The following RGS6 variants were observed in gnomAD, a reference collection of about 807,000 sequenced individuals.
RGS6 encodes the protein regulator of G protein signaling 6.
A neutral mutation model predicts 78.5 loss-of-function variants in RGS6; 30 were observed. That is an observed-to-expected ratio of 0.38 (90% confidence interval 0.29 to 0.52). RGS6 has a LOEUF of 0.52. Ranked by LOEUF, RGS6 falls within the 20% of genes least tolerant of loss-of-function variation. The pLI is 0.85. For synonymous variants in RGS6, 206 were observed against 206.0 expected (o/e 1.00, Z 0.00); for missense variants, 495 against 609.7 (o/e 0.81, Z 1.98).
At chr14:71,886,893 T>A in the RGS6 span, among the ~76,000 whole-genome samples, 952 of 152,332 alleles carry the variant, frequency 6.2e-3, 9 homozygotes, top group African/African-American at 0.021. Flanking sequence ...GGCTCACGCC[T>A]GTAATCCCAG....
chr14:72,216,663 C>G (rs2045643751), intron 2 of RGS6, among the ~76,000 whole-genome samples: 2 of 152,172 alleles, frequency 1.3e-5, no homozygotes, highest in African/African-American at 4.8e-5. Context: ...AATGACACTT[C>G]CTGCCTGGGA....
chr14:72,170,673 G>A (rs1224409022), intron 2 of RGS6, among the ~76,000 whole-genome samples: 1 of 152,122 alleles, frequency 6.6e-6, no homozygotes, highest in African/African-American at 2.4e-5. Context: ...ATATCTTTTT[G>A]TTATCACAAG....
At chr14:72,423,569 G>A (rs1423784384) in intron 3 of RGS6, among the ~76,000 whole-genome samples, 2 of 152,006 alleles carry the variant, frequency 1.3e-5, no homozygotes, top group East Asian at 1.9e-4. Context: ...TTAAAGCAGA[G>A]GCACAAAACT....
intron 9 of RGS6, among the ~76,000 whole-genome samples, chr14:72,473,480 G>A (rs1014677704): frequency 6.6e-6 from 1 of 152,136 alleles, no homozygotes; most frequent in Non-Finnish European, 1.5e-5. Context: ...TGAAAATATG[G>A]AATTGCAAAT....
chr14:72,080,540 ATTT>A (rs907734447), intron 2 of RGS6, among the ~76,000 whole-genome samples: 63 of 152,044 alleles, frequency 4.1e-4, no homozygotes, highest in Middle Eastern at 3.4e-3. Context: ...CCACTTATCT[ATTT>A]TTTGCTTTTG....
chr14:71,972,005 A>G (rs1381927123), intron 2 of RGS6, among the ~76,000 whole-genome samples: 1 of 144,130 alleles, frequency 6.9e-6, no homozygotes, highest in African/African-American at 2.6e-5. Flanking sequence ...CTAATTTTGG[A>G]CATTTTTTTC....
intron 4 of RGS6, among the ~76,000 whole-genome samples, chr14:72,456,344 G>A (rs2095629570): frequency 6.6e-6 from 1 of 152,242 alleles, no homozygotes; most frequent in African/African-American, 2.4e-5. Flanking sequence ...AGGCTAGAGT[G>A]CAGTGGCACG....
At chr14:72,349,529 G>A (rs1316217736) in intron 2 of RGS6, among the ~76,000 whole-genome samples, 1 of 152,188 alleles carries the variant, frequency 6.6e-6, no homozygotes, top group Admixed American at 6.5e-5. Context: ...TCAGGAACTG[G>A]GGGGCAATAA....
intron 17 of RGS6, among the ~76,000 whole-genome samples, chr14:72,551,323 G>A (rs971475196): frequency 6.6e-6 from 1 of 152,106 alleles, no homozygotes; most frequent in Non-Finnish European, 1.5e-5. Context: ...TGCTCCAGCA[G>A]GACTGTGTTT....
At chr14:72,127,811 C>T in intron 2 of RGS6, among the ~76,000 whole-genome samples, 1 of 152,172 alleles carries the variant, frequency 6.6e-6, no homozygotes. Flanking sequence ...TCTGTTACCC[C>T]TTTATAACTA....
At chr14:72,005,833 A>G (rs2084446149) in intron 2 of RGS6, among the ~76,000 whole-genome samples, 1 of 151,252 alleles carries the variant, frequency 6.6e-6, no homozygotes, top group Non-Finnish European at 1.5e-5. Flanking sequence ...TGACTCTTGC[A>G]TTTGTTATCA....
At position 72,100,513 on chromosome 14, in the gene RGS6, A is replaced by G. The variant is rs778994637; in HGVS notation, c.84+135638A>G. On this transcript the variant is annotated intron_variant, in intron 2 of 17. Coordinates refer to ENST00000553525, the MANE Select transcript of RGS6 (RefSeq NM_001204424.2). ...CTCAAAAACAAAACCAAAAAAAGGT[A>G]GAAAGAAAGACTGTAAGAAGGCTAA... is the stretch of plus-strand genomic sequence containing the variant. Among the ~76,000 whole-genome samples, 6 of 152,132 alleles carry G rather than the reference A, an allele frequency of 3.9e-5. 1 individual carries two copies. Among genetic ancestry groups the G allele is most frequent in the South Asian group, 4.1e-4 (2 of 4,824 alleles).
At chr14:72,323,533 G>A (rs1396089227) in intron 2 of RGS6, among the ~76,000 whole-genome samples, 1 of 151,616 alleles carries the variant, frequency 6.6e-6, no homozygotes, top group Admixed American at 6.6e-5. Flanking sequence ...GGAAAATTAA[G>A]AAAGGGGGAT....
At chr14:72,432,015 C>T (rs1166036915) in intron 3 of RGS6, among the ~76,000 whole-genome samples, 1 of 152,158 alleles carries the variant, frequency 6.6e-6, no homozygotes, top group Non-Finnish European at 1.5e-5. Flanking sequence ...GATTAGGAAA[C>T]CCCTAACTAA....
At chr14:72,045,398 A>G (rs983643140) in intron 2 of RGS6, among the ~76,000 whole-genome samples, 3 of 152,278 alleles carry the variant, frequency 2.0e-5, no homozygotes, top group East Asian at 3.9e-4. Flanking sequence ...ATCACAGACT[A>G]CAGTTGGCCT....
chr14:72,030,951 G>C (rs899956766), intron 2 of RGS6, among the ~76,000 whole-genome samples: 4 of 147,732 alleles, frequency 2.7e-5, no homozygotes, highest in South Asian at 4.5e-4. Flanking sequence ...TATTAAGCTG[G>C]AAATCTAGAA....
intron 3 of RGS6, among the ~76,000 whole-genome samples, chr14:72,399,294 C>T (rs1020438973): frequency 2.2e-4 from 34 of 152,172 alleles, no homozygotes; most frequent in Non-Finnish European, 1.2e-4. Flanking sequence ...TAATGGCCTT[C>T]TTTGTCTCTT....
At chr14:72,031,943 A>T (rs1164287317) in intron 2 of RGS6, among the ~76,000 whole-genome samples, 1 of 152,180 alleles carries the variant, frequency 6.6e-6, no homozygotes, top group Admixed American at 6.5e-5. Flanking sequence ...GTTTATTAAT[A>T]ATGCTGAAAT....
chr14:72,051,628 T>G (rs2093251618), intron 2 of RGS6, among the ~76,000 whole-genome samples: 3 of 152,190 alleles, frequency 2.0e-5, no homozygotes, highest in Admixed American at 2.0e-4. Flanking sequence ...ACAGATAGTT[T>G]ATCCTAATCA....
Sources: gnomAD v4.1 joint callset for allele counts (sites outside exome capture counted in the v4.1 genomes callset) on GRCh38, gnomAD v4.1.1 for gene constraint, MANE v1.5 for transcripts, NCBI Gene and HGNC (gene_info 2026-07-23, HGNC 2026-07-21) for gene names.